NAB2: variants seen among roughly 807,000 people sequenced by gnomAD.
NAB2 encodes the protein NGFI-A-binding protein 2.
NAB2 carries 9 observed loss-of-function variants against 44.2 expected under a neutral mutation model. That is an observed-to-expected ratio of 0.20 (90% CI 0.12 to 0.36). NAB2 has a LOEUF of 0.36. Among genes scored for constraint, NAB2 ranks in the 10% least tolerant of loss-of-function variants. The pLI is 1.00. For missense variants in NAB2, 514 were observed against 709.0 expected, an observed-to-expected ratio of 0.73 and a Z score of 3.12; for synonymous variants, 342 against 291.0, an observed-to-expected ratio of 1.18 and a Z score of -1.78.
chr12:57,091,843 C>T lies in NAB2; in HGVS notation c.802C>T (p.Leu268=). 7 of 1,614,154 alleles carry T rather than the reference C, an allele frequency of 4.3e-6. No individual in the cohort carries two copies. The highest frequency in any genetic ancestry group is 3.3e-5 in the South Asian group (3 of 91,090). The change falls in exon 2 of 7, where the codon CTA becomes TTA. Residue 268 remains leucine, a synonymous_variant. Coordinates refer to ENST00000300131, the MANE Select transcript of NAB2 (RefSeq NM_005967.4). The surrounding 1 kb of genome is among the most constrained non-coding windows in gnomAD (Gnocchi z 7.3). The stretch of plus-strand genomic sequence containing the variant: ...GGATGCTGGGGAGGTCACATCCCTG[C>T]TAAAGCTGAATAAGAAGCTGGCACG... ...RGDAGEVTSL[L]KLNKKLARSV...
rs2033296738 is a variant in NAB2, at chr12:57,094,540, C to T, written c.1469-72C>T. On this transcript the variant is annotated intron_variant, in intron 6 of 6. Coordinates refer to ENST00000300131, the MANE Select transcript of NAB2 (RefSeq NM_005967.4). Reference sequence around the variant, plus strand: ...ATCTTCACAGCTTTCTTTGCCCCTGCTTCTGTTCCCAACCACCTCTGTCTG... The same window carrying T: ...ATCTTCACAGCTTTCTTTGCCCCTGTTTCTGTTCCCAACCACCTCTGTCTG... The T allele has an allele frequency of 5.6e-6, 7 of 1,251,208 alleles. No individual in the cohort carries two copies. The South Asian group carries it at 6.4e-5, about 11-fold the overall frequency. The allele number at this position is 1,251,208 out of a possible 1,614,324, so 77.5% of individuals were successfully genotyped here. A position where few individuals can be genotyped will look rare whatever the true frequency, so the allele number is the denominator to read the frequency against.
At chr12:57,093,008 T>A (rs376097877) in intron 4 of NAB2, 40 bp downstream of exon 4, 1 of 1,614,154 alleles carries the variant, frequency 6.2e-7, no homozygotes, top group Admixed American at 1.7e-5. Flanking sequence ...CTGGGCAGCC[T>A]TCCCCAATCC....
rs938005938 is a variant in NAB2 at position 57,090,977 on chromosome 12, A to T, written c.84-148A>T. On this transcript the variant is annotated intron_variant, in intron 1 of 6. Transcript: ENST00000300131. ...GCAGTGCCTGATTCTGAGAGTCTGT[A>T]CTCAGACCTGGGCACTGGGCAGGAT... 7.7e-6 allele frequency: 5 copies of T among 648,310 alleles called. No individual in the cohort carries two copies. The East Asian group carries it at 1.4e-4, about 18-fold the overall frequency. The allele number at this position is 648,310 out of a possible 1,614,324, so 40.2% of individuals were successfully genotyped here.
At chr12:57,094,032 G>A (rs1316991119) in intron 6 of NAB2, among the ~76,000 whole-genome samples, 1 of 151,886 alleles carries the variant, frequency 6.6e-6, no homozygotes, top group Admixed American at 6.6e-5. Context: ...GGAGTGGGCA[G>A]GCGGAGGGCC....
In NAB2 at chr12:57,091,099, C is replaced by G. The variant is rs773669851; in HGVS notation, c.84-26C>G. The G allele has an allele frequency of 2.0e-6, 3 of 1,500,320 alleles. No homozygotes were observed. Among genetic ancestry groups the G allele is most frequent in the Non-Finnish European group, 2.7e-6 (3 of 1,123,228 alleles). The allele number at this position is 1,500,320 out of a possible 1,614,324, so 92.9% of individuals were successfully genotyped here. ...CAGTAGGGGGACTTGCACCGACTGC[C>G]TCTCTCTTGTGCCCCTCCTTCTCAG... On this transcript the variant is annotated intron_variant, in intron 1 of 6. Transcript: ENST00000300131. The surrounding 1 kb of genome is among the most constrained non-coding windows in gnomAD (Gnocchi z 7.3).
Position 57,092,456 on chromosome 12 carries a change from C to T in NAB2, c.966C>T (p.Ile322=). Residue 322 remains isoleucine, a synonymous_variant, in exon 3 of 7, where the codon ATC becomes ATT. Transcript: ENST00000300131. ...GKQLSLHELT[I]NEAAAQFCMR... ...CTGCCCTCCCTCCACAGCTCACCAT[C>T]AACGAGGCTGCTGCCCAGTTCTGCA... The T allele has an allele frequency of 3.7e-6, 6 of 1,614,118 alleles. No individual in the cohort carries two copies.
chr12:57,093,798 G>A (rs1192618366), intron 6 of NAB2, among the ~76,000 whole-genome samples, 200 bp downstream of exon 6: 1 of 152,160 alleles, frequency 6.6e-6, no homozygotes, highest in African/African-American at 2.4e-5. Flanking sequence ...GGAAAGTCTG[G>A]TCCTAGTGTA....
Position 57,089,335 on chromosome 12 carries a change from A to T in NAB2, c.64A>T (p.Thr22Ser), listed in dbSNP as rs890037526. The T allele has an allele frequency of 3.2e-6, 5 of 1,574,046 alleles. No individual in the cohort carries two copies. In the African/African-American group the frequency reaches 5.4e-5, roughly 17 times the overall value. The change falls in exon 1 of 7, where the codon ACC becomes TCC. Residue 22 changes from threonine (T) to serine (S), a missense_variant. Transcript: ENST00000300131. ...PPGGGDSARRTLQPRLKPSAR... is the reference protein window; with the variant it reads ...PPGGGDSARRSLQPRLKPSAR... ...GGGCGGAGGGGACAGCGCCCGCCGGACCCTGCAGCCCAGACTCAAGTTAGT... is the reference window on the plus strand; with the variant it reads ...GGGCGGAGGGGACAGCGCCCGCCGGTCCCTGCAGCCCAGACTCAAGTTAGT...
intron 1 of NAB2, 130 bp downstream of exon 1, chr12:57,089,484 G>A: frequency 1.3e-6 from 1 of 754,336 alleles, no homozygotes; most frequent in East Asian, 3.3e-5. Context: ...GAGACTGATG[G>A]AAAAGGGGGT....
chr12:57,090,305 G>A (rs1383660414), intron 1 of NAB2, among the ~76,000 whole-genome samples: 1 of 152,136 alleles, frequency 6.6e-6, no homozygotes, highest in African/African-American at 2.4e-5. Flanking sequence ...CCAACATGGT[G>A]AAACCCCGTT....
At position 57,095,139 on chromosome 12, in the gene NAB2, TGGGA is replaced by T; in HGVS notation, c.*419_*422del. 6.1e-6 allele frequency: 1 copy of T among 164,872 alleles called. No homozygotes were observed. Among genetic ancestry groups the T allele is most frequent in the Non-Finnish European group, 1.3e-5 (1 of 75,614 alleles). The allele number at this position is 164,872 out of a possible 1,614,324, so 10.2% of individuals were successfully genotyped here. A position where few individuals can be genotyped will look rare whatever the true frequency, so the allele number is the denominator to read the frequency against. ...ACATTTGCCCCCAGAATTGGGGGCCTGGGAACACTGGACCTGCTCCTTCTCCCCT... is the reference window on the plus strand; with the variant it reads ...ACATTTGCCCCCAGAATTGGGGGCCTACACTGGACCTGCTCCTTCTCCCCT... On this transcript the variant is annotated 3_prime_UTR_variant, in exon 7 of 7. Coordinates refer to ENST00000300131, the MANE Select transcript of NAB2 (RefSeq NM_005967.4).
In NAB2 at chr12:57,089,172, A is replaced by G. The variant is rs544277888; in HGVS notation, c.-100A>G. On this transcript the variant is annotated 5_prime_UTR_variant, in exon 1 of 7. Coordinates refer to ENST00000300131, the MANE Select transcript of NAB2 (RefSeq NM_005967.4). ...GTGGAGGGAGGGACAGAGCCTGGAC[A>G]GCGGTGGACACGGCATCGTGCGCGG... The G allele has an allele frequency of 6.5e-6, 8 of 1,238,174 alleles. No individual in the cohort carries two copies. The Admixed American group carries it at 1.7e-4, about 26-fold the overall frequency. The allele number at this position is 1,238,174 out of a possible 1,614,324, so 76.7% of individuals were successfully genotyped here. A position where few individuals can be genotyped will look rare whatever the true frequency, so the allele number is the denominator to read the frequency against.
chr12:57,089,436 G>A, intron 1 of NAB2, 82 bp downstream of exon 1: 1 of 1,294,604 alleles, frequency 7.7e-7, no homozygotes, highest in Non-Finnish European at 1.1e-6. Context: ...CGGAGGTCGA[G>A]GGGAGGACGT....
rs1235355129 is a variant in NAB2, at chr12:57,095,364, G to T, written c.*643G>T. ...TTGGACTCAGGGTCTCCTCCAGCTG[G>T]GGGCTGGACCGCAGCACCTATCTGA... On this transcript the variant is annotated 3_prime_UTR_variant, in exon 7 of 7. Coordinates refer to ENST00000300131, the MANE Select transcript of NAB2 (RefSeq NM_005967.4). The T allele has an allele frequency of 2.0e-5, 3 of 152,902 alleles. No individual in the cohort carries two copies. Among genetic ancestry groups the T allele is most frequent in the African/African-American group, 7.2e-5 (3 of 41,436 alleles). The allele number at this position is 152,902 out of a possible 1,614,324, so 9.5% of individuals were successfully genotyped here.
intron 1 of NAB2, among the ~76,000 whole-genome samples, chr12:57,089,889 C>G (rs930970053): frequency 1.3e-5 from 2 of 152,166 alleles, no homozygotes; most frequent in Non-Finnish European, 2.9e-5. Flanking sequence ...CATCAAGAGG[C>G]CTTGAGCCGC....
intron 6 of NAB2, 81 bp downstream of exon 6, chr12:57,093,679 TGGGA>T (rs1270493387): frequency 5.9e-6 from 8 of 1,359,816 alleles, no homozygotes; most frequent in Non-Finnish European, 4.8e-6. Flanking sequence ...TGGGGCCAGG[TGGGA>T]GGAAGAGGGA....
At chr12:57,092,098 C>T (rs914306134) in intron 2 of NAB2, 100 bp downstream of exon 2, 4 of 1,478,150 alleles carry the variant, frequency 2.7e-6, no homozygotes, top group Admixed American at 2.5e-5. Context: ...TTCATTATCT[C>T]TTGACCAGGA....
At chr12:57,089,741 C>CCGCGGTCCTGGAGAAGG (rs1555172922) in intron 1 of NAB2, among the ~76,000 whole-genome samples, 1 of 150,450 alleles carries the variant, frequency 6.6e-6, no homozygotes, top group South Asian at 2.1e-4. Flanking sequence ...GCGCGGGCCC[C>CCGCGGTCCTGGAGAAGG]CGGTGCCTTT....
intron 6 of NAB2, among the ~76,000 whole-genome samples, chr12:57,093,823 G>A (rs1022260000): frequency 3.4e-5 from 4 of 118,818 alleles, no homozygotes; most frequent in African/African-American, 1.3e-4. Flanking sequence ...TGTGAAAGGG[G>A]AACTGGGGAA....
Sources: gnomAD v4.1 joint callset for allele counts (sites outside exome capture counted in the v4.1 genomes callset) on GRCh38, gnomAD v4.1.1 for gene constraint, Gnocchi (gnomAD v3.1) non-coding constraint, MANE v1.5 for transcripts, NCBI Gene and HGNC (gene_info 2026-07-23, HGNC 2026-07-21) for gene names.